Variants in CD99L2 observed in about 807,000 individuals in gnomAD.
CD99L2 encodes CD99 molecule like 2, also known as CD99 antigen-like protein 2.
CD99L2 carries 24 observed loss-of-function variants against 27.3 expected under a neutral mutation model. The ratio of observed to expected loss-of-function variants is 0.88; its 90% CI spans 0.64 to 1.24. CD99L2 has a LOEUF of 1.24. Ranked by LOEUF, CD99L2 falls within the 50% of genes most tolerant of loss-of-function variation. The pLI, the probability that CD99L2 is intolerant of heterozygous loss-of-function variation, is 0.00. For synonymous variants in CD99L2, 97 were observed against 87.9 expected (o/e 1.10, Z -0.58); for missense variants, 255 against 221.6 (o/e 1.15, Z -0.96).
chrX:150,867,637 T>C (rs1477001726), intron 1 of CD99L2, among the ~76,000 whole-genome samples: 3 of 110,482 alleles, frequency 2.7e-5, no homozygotes, highest in Non-Finnish European at 5.7e-5. Flanking sequence ...CTCACGCCTT[T>C]AATCCCAGCA....
At chrX:150,822,402 A>AT (rs2046255729) in intron 2 of CD99L2, among the ~76,000 whole-genome samples, 1 of 111,780 alleles carries the variant, frequency 8.9e-6, no homozygotes, top group East Asian at 2.8e-4. Context: ...TAGGTAAGGG[A>AT]TTTTTGCTGT....
intron 4 of CD99L2, among the ~76,000 whole-genome samples, chrX:150,799,246 C>T (rs781847096): frequency 1.2e-4 from 13 of 110,038 alleles, no homozygotes; most frequent in Admixed American, 1.1e-3. Context: ...GCTTGTAATC[C>T]CAGAACTTTG....
chrX:150,892,373 G>T (rs896761296), intron 1 of CD99L2, among the ~76,000 whole-genome samples: 2 of 108,582 alleles, frequency 1.8e-5, no homozygotes, highest in African/African-American at 6.7e-5. Context: ...TTGGGAGGCC[G>T]AGGCAGGCGG....
intron 1 of CD99L2, among the ~76,000 whole-genome samples, chrX:150,850,775 T>C (rs11798706): frequency 0.042 from 4,718 of 112,000 alleles, 96 homozygotes; most frequent in Non-Finnish European, 0.062. Flanking sequence ...GTGAGGTGTT[T>C]CTTGTATCAC....
At chrX:150,847,062 C>T (rs782543578) in intron 1 of CD99L2, among the ~76,000 whole-genome samples, 1 of 112,242 alleles carries the variant, frequency 8.9e-6, no homozygotes, top group Admixed American at 9.4e-5. Context: ...GGGAGAAAGG[C>T]GCTGAGCACG....
chrX:150,787,401 T>C (rs2045611086), intron 7 of CD99L2, among the ~76,000 whole-genome samples: 1 of 111,419 alleles, frequency 9.0e-6, no homozygotes, highest in African/African-American at 3.3e-5. Context: ...GATTTTTGCA[T>C]ATGGCAAAAA....
intron 1 of CD99L2, among the ~76,000 whole-genome samples, chrX:150,879,474 C>T (rs1050378694): frequency 9.0e-6 from 1 of 110,993 alleles, no homozygotes; most frequent in African/African-American, 3.3e-5. Flanking sequence ...CATGAAGTAC[C>T]TGGCAACAGA....
chrX:150,777,409 A>C, intron 8 of CD99L2, 35 bp downstream of exon 8: 9 of 1,209,195 alleles, frequency 7.4e-6, no homozygotes, highest in Non-Finnish European at 1.0e-5. Flanking sequence ...TTCCTTTCAC[A>C]TGGCCAACAG....
At chrX:150,836,082 T>C (rs2046522339) in intron 1 of CD99L2, among the ~76,000 whole-genome samples, 1 of 111,896 alleles carries the variant, frequency 8.9e-6, no homozygotes, top group Non-Finnish European at 1.9e-5. Context: ...CTGCCCAACC[T>C]AGCGTCCTAC....
chrX:150,819,946 C>T (rs1010008129), intron 2 of CD99L2, among the ~76,000 whole-genome samples: 8 of 111,644 alleles, frequency 7.2e-5, no homozygotes, highest in Admixed American at 2.9e-4. Flanking sequence ...CAATTAATCT[C>T]AAACTCTTCA....
intron 2 of CD99L2, among the ~76,000 whole-genome samples, chrX:150,821,173 T>C (rs113167535): frequency 0.021 from 2,382 of 111,697 alleles, 65 homozygotes; most frequent in African/African-American, 0.072. Context: ...CTAATCCTAA[T>C]ATCCACATGG....
At chrX:150,799,528 G>A (rs201119401) in intron 4 of CD99L2, among the ~76,000 whole-genome samples, 56 of 107,099 alleles carry the variant, frequency 5.2e-4, no homozygotes, top group African/African-American at 1.9e-3. Flanking sequence ...AAAAAAAAAG[G>A]AAAAAAACCA....
At chrX:150,800,737 A>G (rs147940633) in intron 4 of CD99L2, among the ~76,000 whole-genome samples, 2 of 111,702 alleles carry the variant, frequency 1.8e-5, no homozygotes, top group African/African-American at 6.5e-5. Context: ...ACTTACCACA[A>G]TAATAAAAAA....
intron 7 of CD99L2, among the ~76,000 whole-genome samples, chrX:150,778,685 A>AT (rs1557419365): frequency 9.8e-5 from 8 of 81,536 alleles, no homozygotes; most frequent in East Asian, 3.6e-4. Context: ...AAAAAAAAAA[A>AT]ATATATATAT....
intron 2 of CD99L2, among the ~76,000 whole-genome samples, chrX:150,830,411 G>A (rs1336381459): frequency 9.0e-6 from 1 of 110,620 alleles, no homozygotes; most frequent in Non-Finnish European, 1.9e-5. Context: ...AATTAGCCAG[G>A]TGTGGTAGCA....
At chrX:150,898,468 G>C in intron 1 of CD99L2, 54 bp downstream of exon 1, 2 of 1,003,353 alleles carry the variant, frequency 2.0e-6, no homozygotes, top group Non-Finnish European at 2.6e-6. Context: ...GCGACCCCTG[G>C]GCCCACAAGG....
At chrX:150,857,540 C>T (rs918431088) in intron 1 of CD99L2, among the ~76,000 whole-genome samples, 1 of 111,554 alleles carries the variant, frequency 9.0e-6, no homozygotes, top group Non-Finnish European at 1.9e-5. Context: ...GAAATAAAGT[C>T]CTTCCCAGAG....
intron 1 of CD99L2, among the ~76,000 whole-genome samples, chrX:150,843,617 C>T (rs782049448): frequency 7.3e-5 from 8 of 109,806 alleles, no homozygotes; most frequent in South Asian, 4.1e-4. Flanking sequence ...TGCCACTGCA[C>T]TCCAGCCTGG....
At chrX:150,829,928 G>A (rs191056068) in intron 2 of CD99L2, among the ~76,000 whole-genome samples, 8 of 110,767 alleles carry the variant, frequency 7.2e-5, no homozygotes, top group East Asian at 2.9e-4. Context: ...AGGCTGAGGC[G>A]GGCGGATTGC....
Sources: allele counts gnomAD v4.1 joint callset (sites outside exome capture counted in the v4.1 genomes callset), GRCh38; gene constraint gnomAD v4.1.1; transcripts MANE v1.5; gene names NCBI Gene and HGNC (gene_info 2026-07-23, HGNC 2026-07-21).